Variants in STK32B observed in about 807,000 individuals in gnomAD.
STK32B encodes the protein serine/threonine-protein kinase 32B.
A neutral mutation model predicts 52.6 loss-of-function variants in STK32B; 43 were observed. The observed-to-expected ratio is 0.82, with a 90% CI of 0.64 to 1.05. The LOEUF (loss-of-function observed/expected upper bound fraction) is 1.05, where lower values mean the gene tolerates loss of function less well. STK32B is among the 50% of genes least tolerant of loss of function. STK32B has a pLI of 0.00. For missense variants in STK32B, 621 were observed against 534.6 expected (o/e 1.16, Z -1.59); for synonymous variants, 238 against 204.3 (o/e 1.17, Z -1.41).
chr4:5,386,707 G>A lies in STK32B; in HGVS notation c.435-11500G>A, dbSNP rs1313313448. Among the ~76,000 whole-genome samples, 2 of 152,154 alleles carry A rather than the reference G, an allele frequency of 1.3e-5. No individual in the cohort carries two copies. Among genetic ancestry groups the A allele is most frequent in the African/African-American group, 2.4e-5 (1 of 41,440 alleles). Reference sequence around the variant, plus strand: ...CTGGCACTAATTTCCCAGACAACTCGAAGGAAGTTACTTAACTCATCTAAA... The same window carrying A: ...CTGGCACTAATTTCCCAGACAACTCAAAGGAAGTTACTTAACTCATCTAAA... On this transcript the variant is annotated intron_variant, in intron 4 of 11. Coordinates refer to ENST00000282908, the MANE Select transcript of STK32B (RefSeq NM_018401.3). This position sits in a 1 kb window ranked among gnomAD's most constrained non-coding sequence, Gnocchi z 4.5.
intron 1 of STK32B, among the ~76,000 whole-genome samples, chr4:5,086,995 G>A (rs540608223): frequency 6.6e-6 from 1 of 152,274 alleles, no homozygotes; most frequent in African/African-American, 2.4e-5. Context: ...GCTGCATGAA[G>A]AAATTAAGAA....
chr4:5,193,271 C>T (rs1045017512), intron 3 of STK32B, among the ~76,000 whole-genome samples: 4 of 152,158 alleles, frequency 2.6e-5, no homozygotes, highest in African/African-American at 9.7e-5. Flanking sequence ...CATCTCCTCT[C>T]CCTCGCCCCT....
chr4:5,252,862 C>G (rs1468219883), intron 3 of STK32B, among the ~76,000 whole-genome samples: 1 of 152,084 alleles, frequency 6.6e-6, no homozygotes, highest in Non-Finnish European at 1.5e-5. Flanking sequence ...TGGTGTGTTG[C>G]CTGCCATTGA....
intron 3 of STK32B, among the ~76,000 whole-genome samples, chr4:5,316,132 G>GTT (rs1174859425): frequency 1.1e-4 from 11 of 97,000 alleles, no homozygotes; most frequent in East Asian, 7.7e-4. Context: ...ATATTTTCAA[G>GTT]TTATATATAT....
chr4:5,162,917 A>G (rs1030084218), intron 2 of STK32B, among the ~76,000 whole-genome samples: 1 of 152,206 alleles, frequency 6.6e-6, no homozygotes, highest in African/African-American at 2.4e-5. Context: ...ATGCTACATC[A>G]GTTTCAGCAG....
At chr4:5,189,646 A>AT (rs1296389338) in intron 3 of STK32B, among the ~76,000 whole-genome samples, 1 of 152,134 alleles carries the variant, frequency 6.6e-6, no homozygotes, top group Non-Finnish European at 1.5e-5. Context: ...GCAGACGTAC[A>AT]TTTTCAACTC....
chr4:5,125,365 T>C (rs970976462), intron 1 of STK32B, among the ~76,000 whole-genome samples: 2 of 152,216 alleles, frequency 1.3e-5, no homozygotes, highest in Admixed American at 1.3e-4. Context: ...AGCTTTCCTA[T>C]GTGTGGCCTC....
At chr4:5,481,743 T>C (rs1165759848) in intron 11 of STK32B, among the ~76,000 whole-genome samples, 1 of 152,322 alleles carries the variant, frequency 6.6e-6, no homozygotes, top group East Asian at 1.9e-4. Flanking sequence ...CTTTAATCCA[T>C]CTTGAATTAA....
intron 4 of STK32B, among the ~76,000 whole-genome samples, chr4:5,384,143 G>A (rs774257302): frequency 6.6e-6 from 1 of 152,194 alleles, no homozygotes; most frequent in Non-Finnish European, 1.5e-5. Flanking sequence ...AGTGGAAGGA[G>A]GATGGAGGGG....
chr4:5,226,443 G>C (rs1475481441), intron 3 of STK32B, among the ~76,000 whole-genome samples: 1 of 152,164 alleles, frequency 6.6e-6, no homozygotes, highest in Admixed American at 6.5e-5. Flanking sequence ...AATTTCAGAA[G>C]TAAATGATTC....
At chr4:5,285,768 A>G (rs1260373528) in intron 3 of STK32B, among the ~76,000 whole-genome samples, 1 of 152,170 alleles carries the variant, frequency 6.6e-6, no homozygotes, top group Non-Finnish European at 1.5e-5. Flanking sequence ...ATTCAAGCTA[A>G]TGGAGAGAAA....
rs146984823 is a variant in STK32B, at chr4:5,173,059, T to C, written c.260+4609T>C. On this transcript the variant is annotated intron_variant, in intron 3 of 11. Coordinates refer to ENST00000282908, the MANE Select transcript of STK32B (RefSeq NM_018401.3). ...TTGGGAGAGTGTATGTGTCGAGGAA[T>C]TTATCCATTTCTTCTAGATTTTCTA... Among the ~76,000 whole-genome samples the C allele has an allele frequency of 1.0e-2, 1,516 of 152,336 alleles. 21 individuals carry two copies. Among genetic ancestry groups the C allele is most frequent in the African/African-American group, 0.034 (1,404 of 41,568 alleles).
At chr4:5,142,546 A>G (rs1008528111) in intron 2 of STK32B, among the ~76,000 whole-genome samples, 2 of 152,210 alleles carry the variant, frequency 1.3e-5, no homozygotes, top group African/African-American at 2.4e-5. Context: ...AGTGTTGGGC[A>G]TTTATGTTGT....
At chr4:5,123,334 C>T (rs1473554501) in intron 1 of STK32B, among the ~76,000 whole-genome samples, 5 of 152,200 alleles carry the variant, frequency 3.3e-5, no homozygotes, top group Non-Finnish European at 5.9e-5. Context: ...CTTCATCTTC[C>T]TTGGAGCCTC....
intron 1 of STK32B, among the ~76,000 whole-genome samples, chr4:5,119,939 A>G (rs1714935515): frequency 6.6e-6 from 1 of 152,256 alleles, no homozygotes; most frequent in African/African-American, 2.4e-5. Context: ...CAAGTACATT[A>G]GTCCCCCTTA....
At chr4:5,270,949 C>G (rs188688928) in intron 3 of STK32B, among the ~76,000 whole-genome samples, 1 of 152,046 alleles carries the variant, frequency 6.6e-6, no homozygotes, top group Non-Finnish European at 1.5e-5. Flanking sequence ...CCCCCCGCCC[C>G]TCCCGCCCAG....
intron 4 of STK32B, among the ~76,000 whole-genome samples, chr4:5,372,576 A>G (rs1285512033): frequency 6.6e-6 from 1 of 152,106 alleles, no homozygotes; most frequent in African/African-American, 2.4e-5. Flanking sequence ...AAATTTCAGA[A>G]TGTTTAAAAA....
intron 3 of STK32B, among the ~76,000 whole-genome samples, chr4:5,319,514 C>G (rs565317794): frequency 6.6e-6 from 1 of 152,140 alleles, no homozygotes; most frequent in African/African-American, 2.4e-5. Flanking sequence ...TCATGACTTA[C>G]AAAGCCCTTC....
chr4:5,438,151 G>A (rs1040441974), intron 6 of STK32B: 1 of 984,800 alleles, frequency 1.0e-6, no homozygotes, highest in Non-Finnish European at 1.2e-6. Context: ...ATTGGAGCTT[G>A]TGGGCTGGCC....
Sources: gnomAD v4.1 joint callset for allele counts (sites outside exome capture counted in the v4.1 genomes callset) on GRCh38, gnomAD v4.1.1 for gene constraint, Gnocchi (gnomAD v3.1) non-coding constraint, MANE v1.5 for transcripts, NCBI Gene and HGNC (gene_info 2026-07-23, HGNC 2026-07-21) for gene names.